Variants in PCDHGA11 observed in about 807,000 individuals in gnomAD.
PCDHGA11 encodes protocadherin gamma-A11.
A neutral mutation model predicts 60.4 loss-of-function variants in PCDHGA11; 39 were observed. The ratio of observed to expected loss-of-function variants is 0.65; its 90% CI spans 0.50 to 0.84. The LOEUF (loss-of-function observed/expected upper bound fraction) is 0.84, where lower values mean the gene tolerates loss of function less well. Ranked by LOEUF, PCDHGA11 falls within the 40% of genes least tolerant of loss-of-function variation. The pLI, the probability that PCDHGA11 is intolerant of heterozygous loss-of-function variation, is 0.00. For synonymous variants in PCDHGA11, 533 were observed against 510.3 expected (o/e 1.04, Z -0.60); for missense variants, 1,165 against 1,197.7 (o/e 0.97, Z 0.40).
chr5:141,423,440 C>T lies in PCDHGA11; in HGVS notation c.2213C>T (p.Thr738Met), dbSNP rs768389351. 27 of 1,613,852 alleles carry T rather than the reference C, an allele frequency of 1.7e-5. No individual in the cohort carries two copies. In the East Asian group the frequency reaches 4.5e-4, roughly 27 times the overall value. ...ASEGGLAGMP[T>M]SHFVGVDGVQ... ...GAAGGCGGGTTGGCAGGTATGCCCACGTCACATTTTGTAGGCGTGGACGGG... is the reference window on the plus strand; with the variant it reads ...GAAGGCGGGTTGGCAGGTATGCCCATGTCACATTTTGTAGGCGTGGACGGG... Residue 738 changes from threonine (T) to methionine (M), a missense_variant, in exon 1 of 4, where the codon ACG (threonine) becomes ATG (methionine). Thr to Met is a moderately conservative substitution (Grantham distance 81). Coordinates refer to ENST00000398587, the MANE Select transcript of PCDHGA11 (RefSeq NM_018914.3).
At chr5:141,440,838 C>A (rs2098204954) in intron 1 of PCDHGA11, 1 of 152,102 alleles carries the variant, frequency 6.6e-6, no homozygotes, top group African/African-American at 2.4e-5. Context: ...TTGGTTGAAG[C>A]CAATGACAAC....
chr5:141,461,258 A>G lies in PCDHGA11; in HGVS notation c.2434-33549A>G, dbSNP rs2099011921. Among the ~76,000 whole-genome samples, 4 of 152,104 alleles carry G rather than the reference A, an allele frequency of 2.6e-5. No individual in the cohort carries two copies. In the South Asian group the frequency reaches 8.3e-4, roughly 31 times the overall value. The stretch of plus-strand genomic sequence containing the variant: ...GTACTAATTTATATTCCCAGCAGCA[A>G]TGTGTAAGTGTTCTCTTTTCCCCAC... On this transcript the variant is annotated intron_variant, in intron 1 of 3. Transcript: ENST00000398587.
rs907282414 is a variant in PCDHGA11, at chr5:141,421,473, C to T, written c.246C>T (p.Ser82=). ...AGCTTTTCGCTGTGAATCCGCGAAG[C>T]GGCAGCTTGATCACGGCAGGCAGGA... ...KTQLFAVNPR[S]GSLITAGRID... Residue 82 remains serine, a synonymous_variant, in exon 1 of 4, where the codon AGC becomes AGT. Coordinates refer to ENST00000398587, the MANE Select transcript of PCDHGA11 (RefSeq NM_018914.3). 10 of 1,613,994 alleles carry T rather than the reference C, an allele frequency of 6.2e-6. No homozygotes were observed. Among genetic ancestry groups the T allele is most frequent in the Middle Eastern group, 1.6e-4 (1 of 6,084 alleles).
intron 3 of PCDHGA11, among the ~76,000 whole-genome samples, chr5:141,509,841 C>T (rs546036990): frequency 2.0e-5 from 3 of 152,326 alleles, no homozygotes; most frequent in African/African-American, 7.2e-5. Context: ...ACCTCCCATT[C>T]ACTCAGAACA....
In PCDHGA11 at chr5:141,491,177, T is replaced by G; in HGVS notation, c.2434-3630T>G. The G allele has an allele frequency of 6.2e-7, 1 of 1,614,158 alleles. No homozygotes were observed. Among genetic ancestry groups the G allele is most frequent in the Non-Finnish European group, 8.5e-7 (1 of 1,180,010 alleles). Reference sequence around the variant, plus strand: ...GACTCTGACACCCAGCAGGTGGTGGTCCTGGTGAGGGACAATGGTGACCCT... The same window carrying G: ...GACTCTGACACCCAGCAGGTGGTGGGCCTGGTGAGGGACAATGGTGACCCT... On this transcript the variant is annotated intron_variant, in intron 1 of 3. Transcript: ENST00000398587. This position sits in a 1 kb window ranked among gnomAD's most constrained non-coding sequence, Gnocchi z 6.9.
chr5:141,489,150 T>C lies in PCDHGA11; in HGVS notation c.2434-5657T>C. The C allele has an allele frequency of 1.7e-5, 15 of 862,654 alleles. No individual in the cohort carries two copies. Among genetic ancestry groups the C allele is most frequent in the Middle Eastern group, 2.5e-4 (1 of 4,044 alleles). 53.4% of individuals were successfully genotyped at this position (862,654 alleles called of 1,614,324 possible). On this transcript the variant is annotated intron_variant, in intron 1 of 3. Transcript: ENST00000398587. The surrounding 1 kb of genome is among the most constrained non-coding windows in gnomAD (Gnocchi z 4.5). ...GTTTTTAAGAGGCTGGAAGGAGACA[T>C]AAGAGACTTCAGCTGCTGCATTCCA...
At chr5:141,457,071 C>T in intron 1 of PCDHGA11, among the ~76,000 whole-genome samples, 1 of 152,188 alleles carries the variant, frequency 6.6e-6, no homozygotes, top group Non-Finnish European at 1.5e-5. Context: ...TTGCCAGTAA[C>T]TATTATCCCT....
intron 1 of PCDHGA11, among the ~76,000 whole-genome samples, chr5:141,438,263 A>G (rs2097944986): frequency 6.6e-6 from 1 of 152,144 alleles, no homozygotes; most frequent in South Asian, 2.1e-4. Flanking sequence ...AAGAGACCAT[A>G]GAATCAAACA....
In PCDHGA11 at chr5:141,490,803, C is replaced by A; in HGVS notation, c.2434-4004C>A. The A allele has an allele frequency of 6.2e-7, 1 of 1,613,956 alleles. No homozygotes were observed. Among genetic ancestry groups the A allele is most frequent in the South Asian group, 1.1e-5 (1 of 91,080 alleles). On this transcript the variant is annotated intron_variant, in intron 1 of 3. Transcript: ENST00000398587. The surrounding 1 kb of genome is among the most constrained non-coding windows in gnomAD (Gnocchi z 5.4). ...ATGGACGGATCTTTGCCCAGCGTAC[C>A]TTTGACTATGAATTGCTGCAGATGC...
In PCDHGA11 at chr5:141,491,996, G is replaced by T; in HGVS notation, c.2434-2811G>T. ...TCCTTCGAGCTTCCGGTGAATTTCG[G>T]GCGATTTCCGCGGGTGTCGGGGGTC... is the stretch of plus-strand genomic sequence containing the variant. On this transcript the variant is annotated intron_variant, in intron 1 of 3. Coordinates refer to ENST00000398587, the MANE Select transcript of PCDHGA11 (RefSeq NM_018914.3). This position sits in a 1 kb window ranked among gnomAD's most constrained non-coding sequence, Gnocchi z 6.9. The T allele has an allele frequency of 2.9e-6, 2 of 686,328 alleles. No individual in the cohort carries two copies. Among genetic ancestry groups the T allele is most frequent in the Non-Finnish European group, 4.5e-6 (2 of 441,080 alleles). 42.5% of individuals were successfully genotyped at this position (686,328 alleles called of 1,614,324 possible). A position where few individuals can be genotyped will look rare whatever the true frequency, so the allele number is the denominator to read the frequency against.
intron 1 of PCDHGA11, among the ~76,000 whole-genome samples, chr5:141,473,185 G>A (rs1171761852): frequency 1.3e-5 from 2 of 152,188 alleles, no homozygotes; most frequent in Non-Finnish European, 2.9e-5. Flanking sequence ...ACTTGAAGGA[G>A]TAAATGTATC....
intron 1 of PCDHGA11, among the ~76,000 whole-genome samples, chr5:141,452,299 A>G (rs2098738116): frequency 6.6e-6 from 1 of 152,176 alleles, no homozygotes; most frequent in African/African-American, 2.4e-5. Flanking sequence ...ATAAGAAAAT[A>G]TTAGAGACTC....
In PCDHGA11 at chr5:141,477,877, C is replaced by A; in HGVS notation, c.2434-16930C>A. 1 of 1,614,170 alleles carries A rather than the reference C, an allele frequency of 6.2e-7. No homozygotes were observed. The highest frequency in any genetic ancestry group is 8.5e-7 in the Non-Finnish European group (1 of 1,180,036). On this transcript the variant is annotated intron_variant, in intron 1 of 3. Transcript: ENST00000398587. This position sits in a 1 kb window ranked among gnomAD's most constrained non-coding sequence, Gnocchi z 4.9. The stretch of plus-strand genomic sequence containing the variant: ...TGCTGCCTCGAGGTACCTCAGCTGG[C>A]CACCTAGTGTCACGGGTGGTAGGCT...
Position 141,490,743 on chromosome 5 carries a change from C to T in PCDHGA11, c.2434-4064C>T, listed in dbSNP as rs1011278142. 7.4e-6 allele frequency: 12 copies of T among 1,614,058 alleles called. No homozygotes were observed. The highest frequency in any genetic ancestry group is 1.0e-5 in the Non-Finnish European group (12 of 1,180,038). On this transcript the variant is annotated intron_variant, in intron 1 of 3. Transcript: ENST00000398587. This position sits in a 1 kb window ranked among gnomAD's most constrained non-coding sequence, Gnocchi z 5.4. ...TTGTAGGAAATCAGGTTCAGGGAGC[C>T]CCAGCCTCCTCCTTTGTGTATGTCA...
chr5:141,499,616 C>T (rs538268323), intron 2 of PCDHGA11, among the ~76,000 whole-genome samples: 2 of 152,058 alleles, frequency 1.3e-5, no homozygotes, highest in South Asian at 4.2e-4. Context: ...CTTATCCTGT[C>T]CTTGGATTCT....
At chr5:141,478,396 G>GT in intron 1 of PCDHGA11, 1 of 1,613,564 alleles carries the variant, frequency 6.2e-7, no homozygotes, top group Non-Finnish European at 8.5e-7. Flanking sequence ...ACCATCAGGT[G>GT]TATCTCACCA....
In PCDHGA11 at chr5:141,432,887, T is replaced by G. The variant is rs146168033; in HGVS notation, c.2433+9227T>G. 2.8e-4 allele frequency: 451 copies of G among 1,614,156 alleles called. No individual in the cohort carries two copies. In the African/African-American group the frequency reaches 4.6e-3, roughly 17 times the overall value. ...CTGCGTCTTCCTGGCCTTCGTCATC[T>G]TGCTGCTGGCGCTCAGGCTGCGGCG... is the stretch of plus-strand genomic sequence containing the variant. On this transcript the variant is annotated intron_variant, in intron 1 of 3. Transcript: ENST00000398587. The surrounding 1 kb of genome is among the most constrained non-coding windows in gnomAD (Gnocchi z 6.0).
intron 2 of PCDHGA11, among the ~76,000 whole-genome samples, chr5:141,503,365 G>A (rs2099819492): frequency 6.6e-6 from 1 of 152,020 alleles, no homozygotes; most frequent in East Asian, 1.9e-4. Flanking sequence ...GGGAAGCGGA[G>A]GCAGGTGGAT....
intron 1 of PCDHGA11, among the ~76,000 whole-genome samples, chr5:141,468,089 T>C (rs1349447353): frequency 6.6e-6 from 1 of 151,010 alleles, no homozygotes; most frequent in Non-Finnish European, 1.5e-5. Context: ...CTTTGGGAGG[T>C]TGAGGCAGGC....
Sources: gnomAD v4.1 joint callset for allele counts (sites outside exome capture counted in the v4.1 genomes callset) on GRCh38, gnomAD v4.1.1 for gene constraint, Gnocchi (gnomAD v3.1) non-coding constraint, MANE v1.5 for transcripts, NCBI Gene and HGNC (gene_info 2026-07-23, HGNC 2026-07-21) for gene names.